The following CDH23 variants were observed in gnomAD, a reference collection of about 807,000 sequenced individuals.
CDH23 encodes the protein cadherin related 23.
A neutral mutation model predicts 317.1 loss-of-function variants in CDH23; 189 were observed. The ratio of observed to expected loss-of-function variants is 0.60; its 90% CI spans 0.53 to 0.67. CDH23 has a LOEUF of 0.67. Ranked by LOEUF, CDH23 falls within the 30% of genes least tolerant of loss-of-function variation. The pLI is 0.00. For synonymous variants in CDH23, 1,839 were observed against 1,876.8 expected (o/e 0.98, Z 0.52); for missense variants, 4,401 against 4,592.4 (o/e 0.96, Z 1.20).
chr10:71,693,277 C>CT (rs58326810), intron 20 of CDH23, among the ~76,000 whole-genome samples: 45,416 of 148,240 alleles, frequency 0.31, 7,217 homozygotes, highest in East Asian at 0.5. Flanking sequence ...TGGCAAATGC[C>CT]TTTTTTTTTT....
chr10:71,400,259 A>C (rs1400450582), intron 1 of CDH23, among the ~76,000 whole-genome samples: 1 of 152,130 alleles, frequency 6.6e-6, no homozygotes, highest in Non-Finnish European at 1.5e-5. Context: ...TGCTGGAGAG[A>C]TTTGGATCAG....
rs781406146 is a variant in CDH23, at chr10:71,803,004, C to T, written c.7589C>T (p.Thr2530Ile). 1 of 1,613,956 alleles carries T rather than the reference C, an allele frequency of 6.2e-7. No homozygotes were observed. ...GAGCCGGCGGGCACCTCGGTCATCACCATGATGGCCACTGACCAGGATGAA... is the reference window on the plus strand; with the variant it reads ...GAGCCGGCGGGCACCTCGGTCATCATCATGATGGCCACTGACCAGGATGAA... ...ENEPAGTSVI[T>I]MMATDQDEGP... Residue 2530 changes from threonine (T) to isoleucine (I), a missense_variant, in exon 54 of 70, where the codon ACC (threonine) becomes ATC (isoleucine). This residue lies in a region of CDH23 where 189 missense variants were observed against 250.9 expected (regional missense o/e 0.75). Transcript: ENST00000224721.
At position 71,812,866 on chromosome 10, in the gene CDH23, G is replaced by A. The variant is rs2133008300; in HGVS notation, c.9609G>A (p.Gln3203=). The change falls in exon 68 of 70, where the codon CAG becomes CAA. Residue 3203 remains glutamine, a synonymous_variant. Coordinates refer to ENST00000224721, the MANE Select transcript of CDH23 (RefSeq NM_022124.6). ...ATGACAACATTGCCAAGCTGGGCCA[G>A]ATCATTCGTGAGGGGCCAATCAAGG... ...QEYDNIAKLG[Q]IIREGPIKGS... is the part of the protein sequence containing the mutation. 2 of 1,613,668 alleles carry A rather than the reference G, an allele frequency of 1.2e-6. No homozygotes were observed. Among genetic ancestry groups the A allele is most frequent in the East Asian group, 4.5e-5 (2 of 44,878 alleles).
intron 38 of CDH23, chr10:71,750,644 T>C (rs1248905476): frequency 6.6e-6 from 1 of 152,360 alleles, no homozygotes; most frequent in East Asian, 1.9e-4. Flanking sequence ...ATGCAGGCAG[T>C]GGAAGCCCCA....
chr10:71,688,716 T>C lies in CDH23; in HGVS notation c.2059+997T>C, dbSNP rs372383614. Among the ~76,000 whole-genome samples the C allele has an allele frequency of 3.5e-3, 194 of 56,170 alleles. 4 individuals are homozygous for C. Among genetic ancestry groups the C allele is most frequent in the African/African-American group, 0.013 (173 of 13,200 alleles). The allele number at this position is 56,170 out of a possible 152,430, so 36.8% of individuals were successfully genotyped here. On this transcript the variant is annotated intron_variant, in intron 19 of 69. Transcript: ENST00000224721. ...GGTGGTGGAGCCAGGGGTGGTGGAG[T>C]CAGGGGTGGTGGAGTCAAGGGTGGT...
At chr10:71,420,872 G>A (rs966420640) in intron 1 of CDH23, among the ~76,000 whole-genome samples, 3 of 151,946 alleles carry the variant, frequency 2.0e-5, no homozygotes, top group African/African-American at 4.8e-5. Context: ...ACCCCCATCC[G>A]GAAGGTACCC....
At chr10:71,547,939 T>C (rs1055281869) in intron 6 of CDH23, among the ~76,000 whole-genome samples, 24 of 152,128 alleles carry the variant, frequency 1.6e-4, no homozygotes, top group African/African-American at 5.3e-4. Flanking sequence ...CGTGCTTGAC[T>C]CCAGCCGGGA....
chr10:71,802,430 G>A (rs907240950), intron 53 of CDH23, among the ~76,000 whole-genome samples: 2 of 152,202 alleles, frequency 1.3e-5, no homozygotes, highest in African/African-American at 4.8e-5. Flanking sequence ...GCCCTGGGCT[G>A]GGGGGTCAGC....
intron 56 of CDH23, 31 bp downstream of exon 56, chr10:71,806,028 GTC>G: frequency 3.5e-6 from 4 of 1,155,128 alleles, no homozygotes; most frequent in African/African-American, 1.5e-5. Context: ...GAGGGGCGGG[GTC>G]TGGGGCGGGG....
At chr10:71,621,705 G>A (rs1011912396) in intron 11 of CDH23, among the ~76,000 whole-genome samples, 3 of 152,202 alleles carry the variant, frequency 2.0e-5, no homozygotes, top group Admixed American at 2.0e-4. Flanking sequence ...CTCTGTGGCA[G>A]TCTCTCCTAA....
intron 14 of CDH23, among the ~76,000 whole-genome samples, chr10:71,650,073 G>A (rs913480293): frequency 1.2e-4 from 18 of 152,170 alleles, no homozygotes; most frequent in East Asian, 9.6e-4. Context: ...GAGAGGAGCC[G>A]GAAAGTGCTC....
rs35466313 is a variant in CDH23, at chr10:71,811,081, CAA to C, written c.9078-213_9078-212del. Among the ~76,000 whole-genome samples, 547 of 67,024 alleles carry C rather than the reference CAA, an allele frequency of 8.2e-3. 3 individuals are homozygous for C. The highest frequency in any genetic ancestry group is 0.025 in the African/African-American group (425 of 16,784). The allele number at this position is 67,024 out of a possible 152,430, so 44.0% of individuals were successfully genotyped here. A position where few individuals can be genotyped will look rare whatever the true frequency, so the allele number is the denominator to read the frequency against. Reference sequence around the variant, plus strand: ...TGGGCAACAGAGCAAGACTCCATCTCAAAAAAAAAAAAAAAAAAAAAAGGGAG... The same window carrying C: ...TGGGCAACAGAGCAAGACTCCATCTCAAAAAAAAAAAAAAAAAAAAGGGAG... On this transcript the variant is annotated intron_variant, in intron 62 of 69. Transcript: ENST00000224721.
chr10:71,524,168 C>T (rs1854879773), intron 6 of CDH23, among the ~76,000 whole-genome samples: 1 of 152,228 alleles, frequency 6.6e-6, no homozygotes, highest in Non-Finnish European at 1.5e-5. Flanking sequence ...TCACTGTTAG[C>T]TTCTTACGGG....
chr10:71,424,569 G>A (rs933494807), intron 1 of CDH23, among the ~76,000 whole-genome samples: 2 of 152,206 alleles, frequency 1.3e-5, no homozygotes, highest in Non-Finnish European at 2.9e-5. Context: ...CCAGCTGAGG[G>A]TGTGCCTGGC....
intron 1 of CDH23, among the ~76,000 whole-genome samples, chr10:71,413,349 A>T (rs1267777048): frequency 6.6e-6 from 1 of 152,158 alleles, no homozygotes; most frequent in Non-Finnish European, 1.5e-5. Flanking sequence ...GTCTGTCTTT[A>T]TGTAAGTTCC....
At chr10:71,553,248 A>G (rs1856697105) in intron 6 of CDH23, among the ~76,000 whole-genome samples, 1 of 152,110 alleles carries the variant, frequency 6.6e-6, no homozygotes, top group Non-Finnish European at 1.5e-5. Flanking sequence ...AGGTCCCCAG[A>G]GCCCAGTGAC....
chr10:71,755,425 C>G, intron 38 of CDH23: 1 of 1,613,440 alleles, frequency 6.2e-7, no homozygotes, highest in Non-Finnish European at 8.5e-7. Flanking sequence ...CAGAGGATTC[C>G]TACGATGCAG....
chr10:71,674,007 G>A (rs1468209826), intron 14 of CDH23, among the ~76,000 whole-genome samples: 2 of 152,168 alleles, frequency 1.3e-5, no homozygotes, highest in Non-Finnish European at 2.9e-5. Context: ...GGTCTGCACC[G>A]TCTATAGGAG....
chr10:71,573,107 G>A (rs1857931536), intron 8 of CDH23, among the ~76,000 whole-genome samples: 1 of 152,198 alleles, frequency 6.6e-6, no homozygotes, highest in Non-Finnish European at 1.5e-5. Context: ...GGGTTTTAAC[G>A]GTTGGAGATA....
Sources: allele counts gnomAD v4.1 joint callset (sites outside exome capture counted in the v4.1 genomes callset), GRCh38; gene constraint gnomAD v4.1.1; regional missense constraint gnomAD v4.1.1; transcripts MANE v1.5; gene names NCBI Gene and HGNC (gene_info 2026-07-23, HGNC 2026-07-21).